Variants in TBC1D30 observed in about 807,000 individuals in gnomAD.
TBC1D30 encodes TBC1 domain family member 30.
TBC1D30 carries 31 observed loss-of-function variants against 63.2 expected under a neutral mutation model. The observed-to-expected ratio is 0.49, with a 90% CI of 0.37 to 0.66. The LOEUF (loss-of-function observed/expected upper bound fraction) is 0.66, where lower values mean the gene tolerates loss of function less well. Ranked by LOEUF, TBC1D30 falls within the 30% of genes least tolerant of loss-of-function variation. The pLI is 0.00. For synonymous variants in TBC1D30, 307 were observed against 361.5 expected (o/e 0.85, Z 1.71); for missense variants, 810 against 953.6 (o/e 0.85, Z 1.98).
intron 8 of TBC1D30, among the ~76,000 whole-genome samples, chr12:64,852,743 C>G (rs1876982884): frequency 6.6e-6 from 1 of 152,158 alleles, no homozygotes; most frequent in Non-Finnish European, 1.5e-5. Context: ...ACAGTCAGGC[C>G]TCTCTGCTGC....
chr12:64,870,572 A>G, intron 10 of TBC1D30, 30 bp from the exon 11 acceptor site: 25 of 1,525,280 alleles, frequency 1.6e-5, no homozygotes, highest in East Asian at 2.5e-5. Flanking sequence ...TCCACCGACC[A>G]TCTCCTTATG....
chr12:64,822,571 C>T (rs1211194646), upstream of TBC1D30, among the ~76,000 whole-genome samples: 4 of 152,026 alleles, frequency 2.6e-5, no homozygotes, highest in African/African-American at 7.2e-5. Flanking sequence ...GATAATGGCT[C>T]ATTGCAGCCT....
At chr12:64,811,103 A>T (rs1393164372) in intron 2 of TBC1D30, among the ~76,000 whole-genome samples, 5 of 152,272 alleles carry the variant, frequency 3.3e-5, no homozygotes, top group Non-Finnish European at 5.9e-5. Flanking sequence ...AGTCTTAGAC[A>T]TATGGCAAGG....
intron 2 of TBC1D30, among the ~76,000 whole-genome samples, chr12:64,815,653 T>G (rs1214432623): frequency 6.6e-6 from 1 of 152,194 alleles, no homozygotes; most frequent in African/African-American, 2.4e-5. Context: ...ACATATACAA[T>G]CATGCATAAA....
At chr12:64,788,418 A>C (rs1219056789) in intron 2 of TBC1D30, among the ~76,000 whole-genome samples, 1 of 152,196 alleles carries the variant, frequency 6.6e-6, no homozygotes, top group Non-Finnish European at 1.5e-5. Flanking sequence ...AGCAGCTGAA[A>C]GCACAGAATG....
chr12:64,851,882 G>A (rs1452750232), intron 8 of TBC1D30, among the ~76,000 whole-genome samples: 1 of 152,218 alleles, frequency 6.6e-6, no homozygotes, highest in African/African-American at 2.4e-5. Flanking sequence ...TTTCTGCAGA[G>A]AGATCCACTG....
intron 2 of TBC1D30, among the ~76,000 whole-genome samples, chr12:64,802,287 GT>G (rs1384948596): frequency 6.6e-6 from 1 of 152,102 alleles, no homozygotes; most frequent in African/African-American, 2.4e-5. Flanking sequence ...ATGTATGAAT[GT>G]TGCTGTCCCT....
chr12:64,865,522 G>T (rs536410075), intron 9 of TBC1D30, among the ~76,000 whole-genome samples: 1 of 152,104 alleles, frequency 6.6e-6, no homozygotes, highest in South Asian at 2.1e-4. Flanking sequence ...AATAGGGATG[G>T]ATATTGCTAA....
chr12:64,766,708 C>G lies in TBC1D30; in HGVS notation c.-376+7059C>G, dbSNP rs1026034733. Reference sequence around the variant, plus strand: ...TAAAATAGGTAGACCTAACAGAGATCTACAGAACTCTCCACCCAACAAGAG... The same window carrying G: ...TAAAATAGGTAGACCTAACAGAGATGTACAGAACTCTCCACCCAACAAGAG... On this transcript the variant is annotated intron_variant, in intron 1 of 13. Coordinates refer to the TBC1D30 transcript ENST00000674237. Among the ~76,000 whole-genome samples, 5 of 152,292 alleles carry G rather than the reference C, an allele frequency of 3.3e-5. No homozygotes were observed. In the Middle Eastern group the frequency reaches 0.01, roughly 311 times the overall value.
intron 8 of TBC1D30, among the ~76,000 whole-genome samples, chr12:64,857,494 T>G (rs1877408835): frequency 1.3e-5 from 2 of 152,160 alleles, no homozygotes. Context: ...CTCTTCATTC[T>G]CCTCTCCTTA....
intron 8 of TBC1D30, among the ~76,000 whole-genome samples, chr12:64,846,994 CTGTT>C (rs1876440907): frequency 4.0e-5 from 6 of 151,834 alleles, no homozygotes; most frequent in Admixed American, 3.3e-4. Context: ...AGATTGTTCA[CTGTT>C]TGCATATAGA....
At chr12:64,819,818 A>C (rs1192812408), upstream of TBC1D30, among the ~76,000 whole-genome samples, 1 of 152,176 alleles carries the variant, frequency 6.6e-6, no homozygotes, top group Non-Finnish European at 1.5e-5. Flanking sequence ...CATGTTCAAA[A>C]ATTGTGGGAT....
At chr12:64,781,911 G>T (rs1417061977) in intron 1 of TBC1D30, among the ~76,000 whole-genome samples, 2 of 145,102 alleles carry the variant, frequency 1.4e-5, no homozygotes, top group Non-Finnish European at 3.1e-5. Flanking sequence ...TTAGTGGAGG[G>T]CCCTAGAGTG....
chr12:64,799,650 C>CT (rs1233468004), intron 2 of TBC1D30, among the ~76,000 whole-genome samples: 1 of 152,244 alleles, frequency 6.6e-6, no homozygotes, highest in African/African-American at 2.4e-5. Context: ...GAAGAGTGCT[C>CT]TTCCTCTGTG....
At chr12:64,863,394 T>A (rs746739960) in intron 8 of TBC1D30, among the ~76,000 whole-genome samples, 4 of 152,190 alleles carry the variant, frequency 2.6e-5, no homozygotes, top group Non-Finnish European at 5.9e-5. Flanking sequence ...GCCTTCTGCT[T>A]CTTTTCTTGG....
upstream of TBC1D30, among the ~76,000 whole-genome samples, chr12:64,776,399 AAC>A (rs1871082627): frequency 6.6e-6 from 1 of 152,208 alleles, no homozygotes; most frequent in South Asian, 2.1e-4. Flanking sequence ...GATTCAAATA[AAC>A]ACAGTGAAAA....
At chr12:64,859,668 A>C (rs1467099287) in intron 8 of TBC1D30, among the ~76,000 whole-genome samples, 1 of 152,180 alleles carries the variant, frequency 6.6e-6, no homozygotes, top group Non-Finnish European at 1.5e-5. Flanking sequence ...CCTGGCTTAG[A>C]AGGAAGAGGG....
In TBC1D30 at chr12:64,864,718, G is replaced by A. The variant is rs1489316403; in HGVS notation, c.1089G>A (p.Arg363=). The part of the protein sequence containing the change: ...PFPFPQLAEL[R]EKYTYNITPF... ...CTTTCCCACAATTGGCAGAGTTGAG[G>A]GAAAAATACACCTACAACATTACAC... Residue 363 remains arginine (R), a synonymous_variant, in exon 9 of 12, where the codon AGG becomes AGA. Coordinates refer to ENST00000539867, the MANE Select transcript of TBC1D30 (RefSeq NM_015279.2). The A allele has an allele frequency of 2.6e-6, 4 of 1,536,210 alleles. No homozygotes were observed. The highest frequency in any genetic ancestry group is 1.7e-4 in the Middle Eastern group (1 of 5,992).
At chr12:64,761,764 A>G (rs966152019) in intron 1 of TBC1D30, among the ~76,000 whole-genome samples, 3 of 152,214 alleles carry the variant, frequency 2.0e-5, no homozygotes, top group Non-Finnish European at 4.4e-5. Flanking sequence ...TGCTCTGCCT[A>G]TGGAGTAGCC....
Sources: allele counts gnomAD v4.1 joint callset (sites outside exome capture counted in the v4.1 genomes callset), GRCh38; gene constraint gnomAD v4.1.1; transcripts MANE v1.5; gene names NCBI Gene and HGNC (gene_info 2026-07-23, HGNC 2026-07-21).